Variants in CTTNBP2 observed in about 807,000 individuals in gnomAD.
CTTNBP2 encodes cortactin-binding protein 2.
A neutral mutation model predicts 156.9 loss-of-function variants in CTTNBP2; 108 were observed. The observed-to-expected ratio is 0.69, with a 90% confidence interval of 0.59 to 0.81. CTTNBP2 has a LOEUF of 0.81. Ranked by LOEUF, CTTNBP2 falls within the 30% of genes least tolerant of loss-of-function variation. The probability of loss-of-function intolerance (pLI) is 0.00; values close to 1 mark genes in which losing one functional copy is unlikely to be tolerated. For synonymous variants in CTTNBP2, 767 were observed against 751.8 expected, an observed-to-expected ratio of 1.02 and a Z score of -0.33; for missense variants, 1,924 against 2,035.4, an observed-to-expected ratio of 0.95 and a Z score of 1.05.
At chr7:117,794,665 T>G (rs1359325914) in intron 3 of CTTNBP2, among the ~76,000 whole-genome samples, 1 of 152,190 alleles carries the variant, frequency 6.6e-6, no homozygotes, top group Non-Finnish European at 1.5e-5. Context: ...ATAGTGTTTC[T>G]TTACTCTGGG....
At chr7:117,786,111 C>A (rs1476264776) in intron 4 of CTTNBP2, among the ~76,000 whole-genome samples, 1 of 152,070 alleles carries the variant, frequency 6.6e-6, no homozygotes, top group African/African-American at 2.4e-5. Context: ...ATCAAAGGAA[C>A]TTAGTATTTA....
chr7:117,719,624 A>C lies in CTTNBP2; in HGVS notation c.4524T>G (p.Asn1508Lys). ...ASLSKQKSLE[N>K]DLSLTLNLDQ... ...CCAAATTCAACGTCAGTGATAGATC[A>C]TTCTCTAAAGACCTAACACAAAGTT... Residue 1508 changes from asparagine to lysine, a missense_variant, in exon 21 of 23, where the codon AAT (asparagine) becomes AAG (lysine). Asn to Lys is a moderately conservative substitution (Grantham distance 94, BLOSUM62 0). Transcript: ENST00000160373. 1 of 1,613,252 alleles carries C rather than the reference A, an allele frequency of 6.2e-7. No individual in the cohort carries two copies. Among genetic ancestry groups the C allele is most frequent in the Non-Finnish European group, 8.5e-7 (1 of 1,179,678 alleles).
chr7:117,860,536 G>T (rs1355391044), intron 2 of CTTNBP2, among the ~76,000 whole-genome samples: 1 of 151,866 alleles, frequency 6.6e-6, no homozygotes, highest in Non-Finnish European at 1.5e-5. Context: ...GTAGAGAAGG[G>T]GTTTCACCGT....
chr7:117,711,324 G>T lies in CTTNBP2; in HGVS notation c.*213C>A. The T allele has an allele frequency of 2.1e-6, 1 of 481,970 alleles. No individual in the cohort carries two copies. Among genetic ancestry groups the T allele is most frequent in the Non-Finnish European group, 3.6e-6 (1 of 277,364 alleles). The allele number at this position is 481,970 out of a possible 1,614,324, so 29.9% of individuals were successfully genotyped here. ...CTTGAAAAGTTGGCATAACTTCCTG[G>T]TATTGAAGTTCAATCCTACAGAATT... is the stretch of plus-strand genomic sequence containing the variant. On this transcript the variant is annotated 3_prime_UTR_variant, in exon 23 of 23. Transcript: ENST00000160373.
At chr7:117,815,534 T>C (rs943264043) in intron 2 of CTTNBP2, among the ~76,000 whole-genome samples, 4 of 152,134 alleles carry the variant, frequency 2.6e-5, no homozygotes, top group Admixed American at 2.0e-4. Context: ...GTAGATCCAA[T>C]TATCTAACCA....
At chr7:117,733,901 G>A (rs1795540090) in intron 16 of CTTNBP2, among the ~76,000 whole-genome samples, 1 of 152,194 alleles carries the variant, frequency 6.6e-6, no homozygotes, top group Admixed American at 6.5e-5. Context: ...GCCATGGTCT[G>A]GGATGAAACC....
Position 117,792,816 on chromosome 7 carries a change from T to C in CTTNBP2, c.415-35A>G. 7.2e-7 allele frequency: 1 copy of C among 1,388,976 alleles called. No homozygotes were observed. The highest frequency in any genetic ancestry group is 9.5e-7 in the Non-Finnish European group (1 of 1,048,668). 86.0% of individuals were successfully genotyped at this position (1,388,976 alleles called of 1,614,324 possible). ...ATTCACAGGAAAACCCTGATTAATA[T>C]ACAGAATTTTCTTTTCACCAAGGAA... On this transcript the variant is annotated intron_variant, in intron 3 of 22. Coordinates refer to ENST00000160373, the MANE Select transcript of CTTNBP2 (RefSeq NM_033427.3). This position sits in a 1 kb window ranked among gnomAD's most constrained non-coding sequence, Gnocchi z 4.2.
At chr7:117,746,871 T>G (rs973339844) in intron 12 of CTTNBP2, among the ~76,000 whole-genome samples, 1 of 152,218 alleles carries the variant, frequency 6.6e-6, no homozygotes, top group Non-Finnish European at 1.5e-5. Flanking sequence ...TTTTTAAACT[T>G]TATCCTCGTG....
intron 14 of CTTNBP2, among the ~76,000 whole-genome samples, chr7:117,738,769 G>A (rs1795841082): frequency 6.6e-6 from 1 of 152,160 alleles, no homozygotes; most frequent in African/African-American, 2.4e-5. Context: ...TGGGGCATGA[G>A]GGTGAGGGCA....
Position 117,767,084 on chromosome 7 carries a change from G to A in CTTNBP2, c.2871C>T (p.Asp957=), listed in dbSNP as rs1474886446. 2 of 1,602,064 alleles carry A rather than the reference G, an allele frequency of 1.2e-6. No individual in the cohort carries two copies. Among genetic ancestry groups the A allele is most frequent in the Non-Finnish European group, 1.7e-6 (2 of 1,168,936 alleles). ...NRTVHDVATD[D]CKHLLENLNA... ...TCAGATTCTCCAGCAAATGCTTGCA[G>A]TCATCAGTGGCAACATCATGCACAG... Residue 957 remains aspartate, a synonymous_variant, in exon 9 of 23, where the codon GAC becomes GAT. Coordinates refer to ENST00000160373, the MANE Select transcript of CTTNBP2 (RefSeq NM_033427.3).
At chr7:117,727,725 C>T (rs1795171691) in intron 17 of CTTNBP2, among the ~76,000 whole-genome samples, 1 of 152,150 alleles carries the variant, frequency 6.6e-6, no homozygotes, top group Non-Finnish European at 1.5e-5. Flanking sequence ...ACATATGTCT[C>T]AATAAAGGGA....
At chr7:117,856,533 G>C (rs1803330419) in intron 2 of CTTNBP2, among the ~76,000 whole-genome samples, 1 of 152,042 alleles carries the variant, frequency 6.6e-6, no homozygotes, top group Admixed American at 6.6e-5. Flanking sequence ...TATGTTATTG[G>C]GGTCATAAAT....
At chr7:117,716,859 C>T (rs571148428) in intron 22 of CTTNBP2, among the ~76,000 whole-genome samples, 3 of 152,264 alleles carry the variant, frequency 2.0e-5, no homozygotes, top group Admixed American at 1.3e-4. Flanking sequence ...AGTGAGGGAG[C>T]GGGGCTGTGG....
At chr7:117,715,447 C>G (rs1432758516) in intron 22 of CTTNBP2, among the ~76,000 whole-genome samples, 1 of 144,170 alleles carries the variant, frequency 6.9e-6, no homozygotes, top group Non-Finnish European at 1.5e-5. Context: ...CCAGGCTTCC[C>G]CTCAGACTAG....
At chr7:117,738,606 G>T (rs1562963729) in intron 14 of CTTNBP2, among the ~76,000 whole-genome samples, 1 of 152,192 alleles carries the variant, frequency 6.6e-6, no homozygotes. Flanking sequence ...ACAACTCTAG[G>T]TTTCCACCAG....
At chr7:117,837,389 T>C (rs1281882728) in intron 2 of CTTNBP2, among the ~76,000 whole-genome samples, 2 of 152,212 alleles carry the variant, frequency 1.3e-5, no homozygotes, top group African/African-American at 4.8e-5. Flanking sequence ...TTTTTTCTGA[T>C]TTCTGCCTCT....
At chr7:117,745,951 G>A in intron 13 of CTTNBP2, 21 bp from the exon 14 acceptor site, 2 of 1,611,354 alleles carry the variant, frequency 1.2e-6, no homozygotes, top group East Asian at 2.2e-5. Context: ...AAAATAGGGT[G>A]ATTAGTTCTA....
chr7:117,803,130 A>G (rs1799728934), intron 3 of CTTNBP2, among the ~76,000 whole-genome samples: 1 of 152,158 alleles, frequency 6.6e-6, no homozygotes, highest in African/African-American at 2.4e-5. Context: ...GAATCAACCT[A>G]GGTGCCCATC....
intron 2 of CTTNBP2, among the ~76,000 whole-genome samples, chr7:117,859,268 T>C (rs1189724369): frequency 6.6e-6 from 1 of 152,220 alleles, no homozygotes; most frequent in Non-Finnish European, 1.5e-5. Flanking sequence ...TAACATTCCT[T>C]GACTCTATGA....
Sources: allele counts gnomAD v4.1 joint callset (sites outside exome capture counted in the v4.1 genomes callset), GRCh38; gene constraint gnomAD v4.1.1; non-coding constraint Gnocchi (gnomAD v3.1); transcripts MANE v1.5; gene names NCBI Gene and HGNC (gene_info 2026-07-23, HGNC 2026-07-21).